The following MARCHF7 variants were observed in gnomAD, a reference collection of about 807,000 sequenced individuals.
MARCHF7 encodes E3 ubiquitin-protein ligase MARCHF7.
In MARCHF7, 20 loss-of-function variants were observed where a neutral mutation model predicts 76.5. The observed-to-expected ratio is 0.26, with a 90% CI of 0.18 to 0.38. The LOEUF is 0.38. MARCHF7 is among the 10% of genes least tolerant of loss of function. MARCHF7 has a pLI of 1.00. For missense variants in MARCHF7, 797 were observed against 812.9 expected, an observed-to-expected ratio of 0.98 and a Z score of 0.24; for synonymous variants, 295 against 293.0, an observed-to-expected ratio of 1.01 and a Z score of -0.07.
chr2:159,716,609 C>T (rs1234211059), intron 3 of MARCHF7, among the ~76,000 whole-genome samples: 1 of 151,832 alleles, frequency 6.6e-6, no homozygotes, highest in Non-Finnish European at 1.5e-5. Context: ...CACCACTGCA[C>T]TCTGGCCTGG....
In MARCHF7 at chr2:159,769,223, G is replaced by T. The variant is rs1244420492; in HGVS notation, c.*1881G>T. 1 of 152,180 alleles carries T rather than the reference G, an allele frequency of 6.6e-6. No individual in the cohort carries two copies. The highest frequency in any genetic ancestry group is 1.5e-5 in the Non-Finnish European group (1 of 68,032). 9.4% of individuals were successfully genotyped at this position (152,180 alleles called of 1,614,324 possible). A position where few individuals can be genotyped will look rare whatever the true frequency, so the allele number is the denominator to read the frequency against. ...AGAATTATATTGTTATTACTAGCTA[G>T]AACCAAGATGTTGAAGAAAGCAGTT... is the stretch of plus-strand genomic sequence containing the variant. On this transcript the variant is annotated 3_prime_UTR_variant, in exon 12 of 12. Coordinates refer to ENST00000409175, the MANE Select transcript of MARCHF7 (RefSeq NM_001282805.2).
At chr2:159,728,311 A>G (rs552386841) in intron 3 of MARCHF7, among the ~76,000 whole-genome samples, 79 of 152,228 alleles carry the variant, frequency 5.2e-4, no homozygotes, top group Non-Finnish European at 8.8e-4. Context: ...TATTTTTGTT[A>G]TAATTAAGAG....
chr2:159,725,207 A>G (rs1449058577), intron 3 of MARCHF7, among the ~76,000 whole-genome samples: 1 of 152,186 alleles, frequency 6.6e-6, no homozygotes, highest in Non-Finnish European at 1.5e-5. Flanking sequence ...CAGTAATGGG[A>G]TGGCTGGGTC....
Position 159,752,540 on chromosome 2 carries a change from G to A in MARCHF7, c.1752G>A (p.Met584Ile). Residue 584 changes from methionine (M) to isoleucine (I), a missense_variant, in exon 8 of 12, where the codon ATG (methionine) becomes ATA (isoleucine). Met to Ile is a conservative substitution (Grantham distance 10, BLOSUM62 1). Coordinates refer to ENST00000409175, the MANE Select transcript of MARCHF7 (RefSeq NM_001282805.2). ...TGCAGTATGTCCACCAAGACTGTAT[G>A]AAAAAGTGGTTACAGGCCAAAATTA... ...GSLQYVHQDCMKKWLQAKINS... is the reference protein window; with the variant it reads ...GSLQYVHQDCIKKWLQAKINS... 1 of 1,543,702 alleles carries A rather than the reference G, an allele frequency of 6.5e-7. No individual in the cohort carries two copies. The highest frequency in any genetic ancestry group is 8.7e-7 in the Non-Finnish European group (1 of 1,147,770).
rs142746850 is a variant in MARCHF7, at chr2:159,759,756, A to C, written c.1893+421A>C. ...GTGTGGTTAGCATATTTGTTTAAAA[A>C]AAACAAACAAAGATATGCTGTAAAA... On this transcript the variant is annotated intron_variant, in intron 9 of 11. Transcript: ENST00000409175. 5.8e-3 allele frequency among the ~76,000 whole-genome samples: 880 copies of C among 152,276 alleles called. 11 individuals carry two copies. Among genetic ancestry groups the C allele is most frequent in the Admixed American group, 0.022 (333 of 15,292 alleles).
intron 4 of MARCHF7, among the ~76,000 whole-genome samples, chr2:159,732,234 A>AT (rs530822638): frequency 9.2e-5 from 14 of 152,208 alleles, no homozygotes; most frequent in Non-Finnish European, 1.8e-4. Flanking sequence ...ATTTTCATGT[A>AT]TTTAAGTACC....
intron 6 of MARCHF7, among the ~76,000 whole-genome samples, chr2:159,746,939 C>G (rs956451845): frequency 6.6e-6 from 1 of 152,098 alleles, no homozygotes; most frequent in African/African-American, 2.4e-5. Flanking sequence ...CTTTAGTAGA[C>G]AGTATCAATA....
At chr2:159,753,908 CAATTAGGG>C (rs2125651847) in intron 8 of MARCHF7, among the ~76,000 whole-genome samples, 1 of 152,230 alleles carries the variant, frequency 6.6e-6, no homozygotes, top group Admixed American at 6.5e-5. Context: ...GGAGAAACAA[CAATTAGGG>C]AAGCTCGTAT....
intron 8 of MARCHF7, among the ~76,000 whole-genome samples, chr2:159,757,047 C>A (rs1706418221): frequency 6.6e-6 from 1 of 152,242 alleles, no homozygotes; most frequent in Non-Finnish European, 1.5e-5. Flanking sequence ...GTGCACACCA[C>A]CACCCCTGGC....
In MARCHF7 at chr2:159,745,691, CCTCT is replaced by C. The variant is rs534990999; in HGVS notation, c.347-76_347-73del. ...AATAATAATAAATAACACTAACTTTCCTCTCTATTACTGAAGATTGTCATCATCC... is the reference window on the plus strand; with the variant it reads ...AATAATAATAAATAACACTAACTTTCCTATTACTGAAGATTGTCATCATCC... On this transcript the variant is annotated intron_variant, in intron 5 of 11. Transcript: ENST00000409175. 4,331 of 905,462 alleles carry C rather than the reference CCTCT, an allele frequency of 4.8e-3. 20 individuals carry two copies. The highest frequency in any genetic ancestry group is 5.4e-3 in the Non-Finnish European group (3,272 of 602,588). 56.1% of individuals were successfully genotyped at this position (905,462 alleles called of 1,614,324 possible).
chr2:159,766,624 A>C (rs1441956127), intron 11 of MARCHF7, among the ~76,000 whole-genome samples: 2 of 152,064 alleles, frequency 1.3e-5, no homozygotes, highest in East Asian at 3.8e-4. Context: ...GCCACTAGTG[A>C]CTCTTGAATA....
intron 10 of MARCHF7, among the ~76,000 whole-genome samples, chr2:159,763,711 C>T (rs1421165423): frequency 3.3e-5 from 5 of 152,180 alleles, no homozygotes; most frequent in East Asian, 3.9e-4. Flanking sequence ...ATGTTAACTT[C>T]GGTGATAAAA....
chr2:159,753,491 C>T (rs1406006985), intron 8 of MARCHF7, among the ~76,000 whole-genome samples: 1 of 151,506 alleles, frequency 6.6e-6, no homozygotes, highest in Non-Finnish European at 1.5e-5. Flanking sequence ...GCGGAGCTTG[C>T]AGTGAGCCGA....
In MARCHF7 at chr2:159,770,289, T is replaced by A. The variant is rs1451137047; in HGVS notation, c.*2947T>A. 1 of 152,194 alleles carries A rather than the reference T, an allele frequency of 6.6e-6. No homozygotes were observed. The allele number at this position is 152,194 out of a possible 1,614,324, so 9.4% of individuals were successfully genotyped here. On this transcript the variant is annotated 3_prime_UTR_variant, in exon 12 of 12. Transcript: ENST00000409175. ...ACAAAATCTCAGAAATGTAAAGCTC[T>A]TACAGAGCATGCTTGTGCTTGTGTA...
At position 159,769,323 on chromosome 2, in the gene MARCHF7, C is replaced by A. The variant is rs1708057132; in HGVS notation, c.*1981C>A. 6.6e-6 allele frequency: 1 copy of A among 152,164 alleles called. No homozygotes were observed. Among genetic ancestry groups the A allele is most frequent in the Non-Finnish European group, 1.5e-5 (1 of 68,016 alleles). 9.4% of individuals were successfully genotyped at this position (152,164 alleles called of 1,614,324 possible). On this transcript the variant is annotated 3_prime_UTR_variant, in exon 12 of 12. Transcript: ENST00000409175. ...TCTTCACTAATGAGTAGATAAGGTG[C>A]CTGTTATAGATGTTCTGGTATATAA...
At chr2:159,735,995 T>G (rs1402061634) in intron 4 of MARCHF7, among the ~76,000 whole-genome samples, 1 of 152,194 alleles carries the variant, frequency 6.6e-6, no homozygotes, top group Non-Finnish European at 1.5e-5. Context: ...GATATGGTGG[T>G]GCACACCTGT....
intron 3 of MARCHF7, among the ~76,000 whole-genome samples, chr2:159,716,240 G>GA (rs997695522): frequency 6.9e-5 from 10 of 143,934 alleles, no homozygotes; most frequent in Admixed American, 3.6e-4. Context: ...TCCCACTAAG[G>GA]AAAAAAAAAA....
chr2:159,720,114 C>T (rs1306296179), intron 3 of MARCHF7, among the ~76,000 whole-genome samples: 1 of 152,164 alleles, frequency 6.6e-6, no homozygotes, highest in Admixed American at 6.5e-5. Context: ...CAACCTCCGC[C>T]TCCTGGATTC....
At chr2:159,754,763 G>C (rs1048231946) in intron 8 of MARCHF7, among the ~76,000 whole-genome samples, 2 of 152,136 alleles carry the variant, frequency 1.3e-5, no homozygotes, top group Non-Finnish European at 2.9e-5. Context: ...TATGGGTGTT[G>C]ATCAGTTTGT....
Sources: allele counts gnomAD v4.1 joint callset (sites outside exome capture counted in the v4.1 genomes callset), GRCh38; gene constraint gnomAD v4.1.1; transcripts MANE v1.5; gene names NCBI Gene and HGNC (gene_info 2026-07-23, HGNC 2026-07-21).